OTUD7A: variants seen among roughly 807,000 people sequenced by gnomAD.
The protein encoded by OTUD7A is OTU domain-containing protein 7A.
OTUD7A carries 12 observed loss-of-function variants against 65.7 expected under a neutral mutation model. The ratio of observed to expected loss-of-function variants is 0.18; its 90% confidence interval spans 0.12 to 0.30. The LOEUF (loss-of-function observed/expected upper bound fraction) is 0.30. Among genes scored for constraint, OTUD7A ranks in the 10% least tolerant of loss-of-function variants. The probability of loss-of-function intolerance (pLI) is 1.00; values close to 1 mark genes in which losing one functional copy is unlikely to be tolerated. For missense variants in OTUD7A, 1,148 were observed against 1,304.8 expected (o/e 0.88, Z 1.85); for synonymous variants, 641 against 586.3 (o/e 1.09, Z -1.35).
chr15:31,717,064 T>A (rs969587240), intron 1 of OTUD7A, among the ~76,000 whole-genome samples: 1 of 152,194 alleles, frequency 6.6e-6, no homozygotes, highest in Non-Finnish European at 1.5e-5. Flanking sequence ...TATCATTCTC[T>A]CCACATACAA....
In OTUD7A at chr15:31,570,064, G is replaced by A; in HGVS notation, c.285C>T (p.His95=). The change falls in exon 4 of 13, where the codon CAC becomes CAT. Residue 95 remains histidine, a synonymous_variant. Coordinates refer to ENST00000307050, the MANE Select transcript of OTUD7A (RefSeq NM_001382637.1). ...TCTGCAGGCAGGGTCGCTCCACCTT[G>A]TGCCCGGGCTGTGGCTCTCGCTCTG... ...KQPEREPQPG[H]KVERPCLQRQ... The A allele has an allele frequency of 6.2e-7, 1 of 1,614,178 alleles. No homozygotes were observed. Among genetic ancestry groups the A allele is most frequent in the Non-Finnish European group, 8.5e-7 (1 of 1,180,020 alleles).
At chr15:31,555,628 C>A (rs1162446767) in intron 5 of OTUD7A, among the ~76,000 whole-genome samples, 1 of 152,158 alleles carries the variant, frequency 6.6e-6, no homozygotes, top group Non-Finnish European at 1.5e-5. Flanking sequence ...GTGGGAGACC[C>A]TTTAGCACTG....
intron 1 of OTUD7A, among the ~76,000 whole-genome samples, chr15:31,713,839 C>CA (rs1236851841): frequency 6.6e-6 from 1 of 151,688 alleles, no homozygotes; most frequent in Non-Finnish European, 1.5e-5. Context: ...TATACTTGTA[C>CA]ATACACTTCA....
intron 1 of OTUD7A, among the ~76,000 whole-genome samples, chr15:31,659,069 A>G (rs1467294153): frequency 1.4e-3 from 199 of 141,842 alleles, no homozygotes; most frequent in Middle Eastern, 3.4e-3. Context: ...ATAAATAAAT[A>G]AATAAATAAA....
chr15:31,779,336 C>A (rs918223064), intron 1 of OTUD7A, among the ~76,000 whole-genome samples: 2 of 152,218 alleles, frequency 1.3e-5, no homozygotes, highest in Non-Finnish European at 2.9e-5. Flanking sequence ...GTACGCTTCA[C>A]TGATATAAAC....
intron 3 of OTUD7A, among the ~76,000 whole-genome samples, chr15:31,601,438 C>G (rs978641608): frequency 6.6e-6 from 1 of 152,194 alleles, no homozygotes; most frequent in Non-Finnish European, 1.5e-5. Flanking sequence ...GTACCAGAAT[C>G]TCTGGGACAC....
In OTUD7A at chr15:31,555,812, A is replaced by AGC. The variant is rs149251612; in HGVS notation, c.550+3155_550+3156dup. On this transcript the variant is annotated intron_variant, in intron 5 of 12. Coordinates refer to ENST00000307050, the MANE Select transcript of OTUD7A (RefSeq NM_001382637.1). The stretch of plus-strand genomic sequence containing the variant: ...AGAGACTGCTTCACTCCTCTGAGGG[A>AGC]GCACACACACAGTTGTCTGCGTACC... 4.2e-3 allele frequency among the ~76,000 whole-genome samples: 628 copies of AGC among 149,634 alleles called. 7 individuals carry two copies. The highest frequency in any genetic ancestry group is 0.015 in the African/African-American group (597 of 40,632).
At chr15:31,720,439 G>A (rs907424998) in intron 1 of OTUD7A, among the ~76,000 whole-genome samples, 43 of 144,120 alleles carry the variant, frequency 3.0e-4, no homozygotes, top group African/African-American at 1.0e-3. Context: ...TCTCGCTGTC[G>A]CCCAGGCTGG....
At chr15:31,634,194 A>T (rs532526122) in intron 3 of OTUD7A, among the ~76,000 whole-genome samples, 29 of 152,236 alleles carry the variant, frequency 1.9e-4, no homozygotes, top group African/African-American at 6.0e-4. Context: ...AAACATGCAC[A>T]ACCACCTCCC....
intron 10 of OTUD7A, among the ~76,000 whole-genome samples, chr15:31,490,984 C>A (rs2141069547): frequency 6.6e-6 from 1 of 152,276 alleles, no homozygotes; most frequent in East Asian, 1.9e-4. Flanking sequence ...CTAGACTGGT[C>A]CAAACCTAGA....
At chr15:31,535,178 C>T (rs1054066259) in intron 5 of OTUD7A, among the ~76,000 whole-genome samples, 4 of 152,114 alleles carry the variant, frequency 2.6e-5, no homozygotes, top group Non-Finnish European at 5.9e-5. Context: ...ATTGTAATGC[C>T]CAGGTGTCAA....
Position 31,618,088 on chromosome 15 carries a change from TC to T in OTUD7A, c.151+37007del, listed in dbSNP as rs574249518. Among the ~76,000 whole-genome samples the T allele has an allele frequency of 2.2e-4, 34 of 152,308 alleles. No individual in the cohort carries two copies. The South Asian group carries it at 6.8e-3, about 31-fold the overall frequency. On this transcript the variant is annotated intron_variant, in intron 3 of 12. Transcript: ENST00000307050. The stretch of plus-strand genomic sequence containing the variant: ...ATGATGGTTTCCAGTTTCATCCATG[TC>T]CCTACAAAGGACATGAACTCATCAT...
intron 1 of OTUD7A, among the ~76,000 whole-genome samples, chr15:31,700,544 T>A (rs1162548754): frequency 2.9e-4 from 44 of 151,020 alleles, no homozygotes; most frequent in African/African-American, 1.0e-3. Context: ...TGAATCAGTC[T>A]TTCTCTTTTC....
chr15:31,836,551 A>G (rs561687409), intron 1 of OTUD7A, among the ~76,000 whole-genome samples: 2 of 152,336 alleles, frequency 1.3e-5, no homozygotes, highest in South Asian at 4.1e-4. Flanking sequence ...GAGTACAGAA[A>G]GAGTACCAAG....
At chr15:31,566,209 A>G (rs943759025) in intron 4 of OTUD7A, among the ~76,000 whole-genome samples, 2 of 152,012 alleles carry the variant, frequency 1.3e-5, no homozygotes, top group African/African-American at 4.8e-5. Context: ...AAAAAAAAAA[A>G]AAGAATATAT....
At chr15:31,497,403 C>A (rs991074025) in intron 10 of OTUD7A, among the ~76,000 whole-genome samples, 2 of 151,998 alleles carry the variant, frequency 1.3e-5, no homozygotes, top group African/African-American at 4.8e-5. Context: ...GCACATGCTG[C>A]CATGCCCAGA....
chr15:31,656,793 G>C (rs1892006689), intron 2 of OTUD7A, among the ~76,000 whole-genome samples, 190 bp downstream of exon 2: 1 of 151,866 alleles, frequency 6.6e-6, no homozygotes, highest in East Asian at 1.9e-4. Context: ...ACCTCTCTGA[G>C]CCCTCCTGAT....
chr15:31,681,175 T>C (rs1426914333), intron 1 of OTUD7A, among the ~76,000 whole-genome samples: 1 of 151,704 alleles, frequency 6.6e-6, no homozygotes, highest in Non-Finnish European at 1.5e-5. Context: ...TCTCATTGTC[T>C]GTCTGCCTTC....
intron 4 of OTUD7A, among the ~76,000 whole-genome samples, chr15:31,560,471 A>G (rs1048128180): frequency 6.6e-6 from 1 of 152,258 alleles, no homozygotes; most frequent in Non-Finnish European, 1.5e-5. Flanking sequence ...TATCTTCTTG[A>G]TGCTGCAAAA....
Sources: allele counts gnomAD v4.1 joint callset (sites outside exome capture counted in the v4.1 genomes callset), GRCh38; gene constraint gnomAD v4.1.1; transcripts MANE v1.5; gene names NCBI Gene and HGNC (gene_info 2026-07-23, HGNC 2026-07-21).